The following MXRA5 variants were observed in gnomAD, a reference collection of about 807,000 sequenced individuals.
MXRA5 encodes matrix-remodeling-associated protein 5.
Under a neutral mutation model 112.5 loss-of-function variants are expected in MXRA5, and 41 were observed. The observed-to-expected ratio is 0.36, with a 90% confidence interval of 0.28 to 0.47. MXRA5 has a LOEUF of 0.47. MXRA5 is among the 20% of genes least tolerant of loss of function. MXRA5 has a pLI of 0.99. For synonymous variants in MXRA5, 862 were observed against 900.8 expected (o/e 0.96, Z 0.77); for missense variants, 2,150 against 2,251.0 (o/e 0.96, Z 0.91).
chrX:3,342,353 G>C (rs779758640), intron 2 of MXRA5, among the ~76,000 whole-genome samples: 23 of 111,460 alleles, frequency 2.1e-4, no homozygotes, highest in Non-Finnish European at 4.0e-4. Context: ...ATGTATCTTG[G>C]AACTTAAAGT....
At chrX:3,329,932 C>A in intron 4 of MXRA5, 86 bp downstream of exon 4, 1 of 1,040,775 alleles carries the variant, frequency 9.6e-7, no homozygotes, top group South Asian at 2.4e-5. Context: ...TTGAATAAGT[C>A]AATATAAGAA....
At chrX:3,340,328 C>T (rs1921885083) in intron 2 of MXRA5, among the ~76,000 whole-genome samples, 1 of 111,718 alleles carries the variant, frequency 9.0e-6, no homozygotes, top group East Asian at 2.8e-4. Context: ...TTAGACATTG[C>T]TCTTGTTTCA....
chrX:3,323,615 T>C lies in MXRA5; in HGVS notation c.2070A>G (p.Arg690=). ...GRRPGAKALS[R]VREDIVEDEG... ...CATCCTCCACGATGTCTTCTCTGAC[T>C]CTGGAAAGAGCCTTTGCACCTGGGC... Residue 690 remains arginine (R), a synonymous_variant, in exon 5 of 7, where the codon AGA becomes AGG. Transcript: ENST00000217939. 1 of 1,211,140 alleles carries C rather than the reference T, an allele frequency of 8.3e-7. No individual in the cohort carries two copies. The highest frequency in any genetic ancestry group is 1.1e-6 in the Non-Finnish European group (1 of 895,149).
chrX:3,319,914 T>C, intron 5 of MXRA5, 94 bp downstream of exon 5: 1 of 656,705 alleles, frequency 1.5e-6, no homozygotes, highest in Non-Finnish European at 2.2e-6. Context: ...TGTGTTTATG[T>C]TGTTCACCAT....
intron 2 of MXRA5, among the ~76,000 whole-genome samples, chrX:3,336,189 T>C (rs756679156): frequency 1.8e-5 from 2 of 112,090 alleles, no homozygotes; most frequent in South Asian, 7.4e-4. Flanking sequence ...CCTGATGATC[T>C]GTCACTGTCT....
intron 4 of MXRA5, among the ~76,000 whole-genome samples, chrX:3,326,920 AC>A (rs904497090): frequency 8.1e-5 from 9 of 111,706 alleles, no homozygotes; most frequent in Non-Finnish European, 1.1e-4. Context: ...TGAGTTCCAC[AC>A]CCCATTGCCT....
intron 2 of MXRA5, among the ~76,000 whole-genome samples, chrX:3,342,901 A>G (rs1360871070): frequency 8.9e-6 from 1 of 112,734 alleles, no homozygotes; most frequent in Non-Finnish European, 1.9e-5. Context: ...TATTTTTACT[A>G]AAACATCTCC....
chrX:3,341,017 G>T lies in MXRA5; in HGVS notation c.188+2629C>A, dbSNP rs868513228. 3.4e-3 allele frequency among the ~76,000 whole-genome samples: 169 copies of T among 49,941 alleles called. 1 individual carries two copies. Among genetic ancestry groups the T allele is most frequent in the Non-Finnish European group, 6.3e-3 (156 of 24,767 alleles). The allele number at this position is 49,941 out of a possible 115,157, so 43.4% of individuals were successfully genotyped here. A position where few individuals can be genotyped will look rare whatever the true frequency, so the allele number is the denominator to read the frequency against. ...ATCATGTATAATATATATTATACAT[G>T]ATATATATAATGTATAATATATATT... is the stretch of plus-strand genomic sequence containing the variant. On this transcript the variant is annotated intron_variant, in intron 2 of 6. Coordinates refer to ENST00000217939, the MANE Select transcript of MXRA5 (RefSeq NM_015419.4).
Position 3,321,365 on chromosome X carries a change from G to A in MXRA5, c.4320C>T (p.Ser1440=). The A allele has an allele frequency of 8.3e-7, 1 of 1,211,689 alleles. No individual in the cohort carries two copies. Among genetic ancestry groups the A allele is most frequent in the East Asian group, 3.0e-5 (1 of 33,821 alleles). The part of the protein sequence containing the change: ...TPFHQEEAGS[S]TTLSSIKVEV... ...CCACTTTTATGCTTGAGAGAGTTGTGGAAGAACCAGCTTCTTCCTGGTGAA... is the reference window on the plus strand; with the variant it reads ...CCACTTTTATGCTTGAGAGAGTTGTAGAAGAACCAGCTTCTTCCTGGTGAA... The change falls in exon 5 of 7, where the codon TCC becomes TCT. Residue 1440 remains serine, a synonymous_variant. Coordinates refer to ENST00000217939, the MANE Select transcript of MXRA5 (RefSeq NM_015419.4).
chrX:3,338,958 TTAGA>T (rs749467757), intron 2 of MXRA5, among the ~76,000 whole-genome samples: 13,001 of 80,709 alleles, frequency 0.16, 917 homozygotes, highest in Non-Finnish European at 0.2. Flanking sequence ...AGATAGATAG[TTAGA>T]TAGATAGATA....
Position 3,321,549 on chromosome X carries a change from G to T in MXRA5, c.4136C>A (p.Thr1379Asn). ...SSPVGFPGTP[T>N]WNPSRTAQPG... ...CTGGGCCGTCCTTGAGGGATTCCAG[G>T]TTGGAGTTCCTGGAAAGCCTACAGG... The change falls in exon 5 of 7, where the codon ACC (threonine) becomes AAC (asparagine). Residue 1379 changes from threonine to asparagine, a missense_variant. Thr to Asn is a moderately conservative substitution (Grantham distance 65, BLOSUM62 0). Transcript: ENST00000217939. 8.3e-7 allele frequency: 1 copy of T among 1,209,847 alleles called. No homozygotes were observed. The highest frequency in any genetic ancestry group is 1.8e-5 in the South Asian group (1 of 56,721).
At chrX:3,326,270 T>C (rs901195956) in intron 4 of MXRA5, among the ~76,000 whole-genome samples, 1 of 4,619 alleles carries the variant, frequency 2.2e-4, no homozygotes, top group African/African-American at 4.5e-4. Flanking sequence ...ACTATATCTA[T>C]ATTTATAACT....
intron 4 of MXRA5, among the ~76,000 whole-genome samples, chrX:3,329,678 C>A (rs1921616854): frequency 9.0e-6 from 1 of 111,706 alleles, no homozygotes; most frequent in Non-Finnish European, 1.9e-5. Flanking sequence ...TTCACAGCCC[C>A]TTCCCAGTCC....
rs868313548 is a variant in MXRA5, at chrX:3,320,709, T to C, written c.4976A>G (p.Asn1659Ser). The change falls in exon 5 of 7, where the codon AAC (asparagine) becomes AGC (serine). Residue 1659 changes from asparagine to serine, a missense_variant. Transcript: ENST00000217939. ...TAATCTTGGAGTTGTAAACTGTTTG[T>C]TCTCTGGCAAAGCCCCAGAAGGATA... is the stretch of plus-strand genomic sequence containing the variant. The part of the protein sequence containing the change: ...TTYPSGALPE[N>S]KQFTTPRLSS... The C allele has an allele frequency of 8.3e-7, 1 of 1,211,788 alleles. No individual in the cohort carries two copies. The highest frequency in any genetic ancestry group is 1.1e-6 in the Non-Finnish European group (1 of 895,243).
intron 2 of MXRA5, among the ~76,000 whole-genome samples, chrX:3,341,298 T>C (rs1163248431): frequency 4.2e-5 from 2 of 47,658 alleles, no homozygotes; most frequent in Non-Finnish European, 7.2e-5. Flanking sequence ...ATATATAATA[T>C]ACATATTATA....
chrX:3,320,681 T>C lies in MXRA5; in HGVS notation c.5004A>G (p.Ser1668=). 1 of 1,211,648 alleles carries C rather than the reference T, an allele frequency of 8.3e-7. No homozygotes were observed. Among genetic ancestry groups the C allele is most frequent in the South Asian group, 1.8e-5 (1 of 56,979 alleles). ...GCAATGGGAGAGGAATTGTTGTACTTGATAATCTTGGAGTTGTAAACTGTT... is the reference window on the plus strand; with the variant it reads ...GCAATGGGAGAGGAATTGTTGTACTCGATAATCTTGGAGTTGTAAACTGTT... ...ENKQFTTPRL[S]STTIPLPLHM... is the part of the protein sequence containing the mutation. Residue 1668 remains serine (S), a synonymous_variant, in exon 5 of 7, where the codon TCA becomes TCG. Coordinates refer to ENST00000217939, the MANE Select transcript of MXRA5 (RefSeq NM_015419.4).
At position 3,320,518 on chromosome X, in the gene MXRA5, G is replaced by A. The variant is rs1921268903; in HGVS notation, c.5167C>T (p.Pro1723Ser). 2 of 1,210,019 alleles carry A rather than the reference G, an allele frequency of 1.7e-6. No individual in the cohort carries two copies. Among genetic ancestry groups the A allele is most frequent in the East Asian group, 3.0e-5 (1 of 33,768 alleles). ...PVGKPPSPRI[P>S]HYSNGRLPFF... is the part of the protein sequence containing the mutation. ...GGGAGTCTTCCATTGGAATAATGAG[G>A]AATTCTTGGACTGGGAGGCTTTCCA... The change falls in exon 5 of 7, where the codon CCT becomes TCT. Residue 1723 changes from proline to serine, a missense_variant. Pro to Ser is a moderately conservative substitution (Grantham distance 74, BLOSUM62 -1). This residue lies in a region of MXRA5 where 1,485 missense variants were observed against 1,471.6 expected (regional missense o/e 1.01). Transcript: ENST00000217939.
chrX:3,317,266 C>G lies in MXRA5; in HGVS notation c.6415G>C (p.Val2139Leu). ...CGCGCGTTGGCTGCTGCACGCTGCA[C>G]GTTCAGCTGCACCGTCCTGCGCGCG... The part of the protein sequence containing the change: ...GSARRTVQLN[V>L]QRAAANARIT... The change falls in exon 6 of 7, where the codon GTG (valine) becomes CTG (leucine). Residue 2139 changes from valine (V) to leucine (L), a missense_variant. By Grantham distance (32) the Val-to-Leu change is conservative (BLOSUM62 1). Around this residue, in one of 6 missense-constraint regions of MXRA5, gnomAD observed 1,485 missense variants for 1,471.6 expected, o/e 1.01. Transcript: ENST00000217939. The G allele has an allele frequency of 8.3e-7, 1 of 1,209,581 alleles. No homozygotes were observed. Among genetic ancestry groups the G allele is most frequent in the Non-Finnish European group, 1.1e-6 (1 of 894,543 alleles).
At chrX:3,330,621 G>A (rs1921641535) in intron 3 of MXRA5, 23 bp downstream of exon 3, 5 of 1,199,040 alleles carry the variant, frequency 4.2e-6, no homozygotes, top group Non-Finnish European at 4.5e-6. Context: ...ATTTAGTGAC[G>A]CTTATAAATG....
Sources: allele counts gnomAD v4.1 joint callset (sites outside exome capture counted in the v4.1 genomes callset), GRCh38; gene constraint gnomAD v4.1.1; regional missense constraint gnomAD v4.1.1; transcripts MANE v1.5; gene names NCBI Gene and HGNC (gene_info 2026-07-23, HGNC 2026-07-21).